Variants in AGBL4 observed in about 807,000 individuals in gnomAD.
AGBL4 encodes the protein AGBL carboxypeptidase 4, also known as cytosolic carboxypeptidase 6.
In AGBL4, 58 loss-of-function variants were observed where a neutral mutation model predicts 66.4. That is an observed-to-expected ratio of 0.87 (90% CI 0.71 to 1.09). AGBL4 has a LOEUF of 1.09. Among genes scored for constraint, AGBL4 ranks in the 50% least tolerant of loss-of-function variants. AGBL4 has a pLI of 0.00. For missense variants in AGBL4, 579 were observed against 631.0 expected (o/e 0.92, Z 0.88); for synonymous variants, 234 against 222.9 (o/e 1.05, Z -0.44).
At position 49,083,709 on chromosome 1, in the gene AGBL4, T is replaced by C. The variant is rs1237939069; in HGVS notation, c.378-37909A>G. Among the ~76,000 whole-genome samples the C allele has an allele frequency of 2.0e-5, 3 of 152,242 alleles. 1 individual carries two copies. Among genetic ancestry groups the C allele is most frequent in the Admixed American group, 1.3e-4 (2 of 15,288 alleles). ...ATTTATGCAAATTTCTGCAGCTCTA[T>C]TGAATTTCTCCTCAGAAAATTGGTT... On this transcript the variant is annotated intron_variant, in intron 4 of 13. Transcript: ENST00000371839.
chr1:48,888,364 C>T (rs903694946), intron 5 of AGBL4, among the ~76,000 whole-genome samples: 2 of 152,172 alleles, frequency 1.3e-5, no homozygotes, highest in African/African-American at 4.8e-5. Flanking sequence ...CCTTCTGCCT[C>T]AAAACCGCAC....
intron 1 of AGBL4, among the ~76,000 whole-genome samples, chr1:49,874,349 G>A (rs1206112153): frequency 2.0e-5 from 3 of 151,888 alleles, no homozygotes; most frequent in Admixed American, 2.0e-4. Flanking sequence ...TCAACTGGGA[G>A]GAGAAAAAAG....
intron 3 of AGBL4, among the ~76,000 whole-genome samples, chr1:49,605,998 A>G (rs1165343267): frequency 1.3e-5 from 2 of 152,128 alleles, no homozygotes; most frequent in Non-Finnish European, 2.9e-5. Flanking sequence ...TGCTGATTCA[A>G]TTAGGGAATT....
chr1:49,026,062 C>A (rs759432227), intron 5 of AGBL4, among the ~76,000 whole-genome samples: 5 of 151,956 alleles, frequency 3.3e-5, no homozygotes, highest in Non-Finnish European at 7.4e-5. Context: ...ATTGTCATTG[C>A]CCCCATAAGA....
chr1:48,799,760 TTTTA>T (rs531544806), intron 6 of AGBL4, among the ~76,000 whole-genome samples: 4 of 152,192 alleles, frequency 2.6e-5, no homozygotes, highest in Non-Finnish European at 5.9e-5. Context: ...GATCATGTGA[TTTTA>T]TTTGTCTTTA....
intron 6 of AGBL4, among the ~76,000 whole-genome samples, chr1:48,738,662 C>A (rs1184425385): frequency 6.6e-6 from 1 of 152,126 alleles, no homozygotes; most frequent in Non-Finnish European, 1.5e-5. Context: ...GAGATGGATG[C>A]CAACTTTACA....
chr1:48,853,703 G>A (rs547454996), intron 6 of AGBL4, among the ~76,000 whole-genome samples: 4 of 152,226 alleles, frequency 2.6e-5, no homozygotes, highest in South Asian at 2.1e-4. Context: ...AAAATTGATC[G>A]TTTTTTCCTT....
intron 6 of AGBL4, among the ~76,000 whole-genome samples, chr1:48,798,187 G>A (rs757584487): frequency 1.3e-5 from 2 of 152,064 alleles, no homozygotes; most frequent in Non-Finnish European, 2.9e-5. Flanking sequence ...GGAGTAAGGT[G>A]GTATCTCATT....
chr1:49,867,041 T>C lies in AGBL4; in HGVS notation c.35-15523A>G, dbSNP rs558313713. Among the ~76,000 whole-genome samples the C allele has an allele frequency of 1.7e-3, 264 of 152,208 alleles. 1 individual carries two copies. Among genetic ancestry groups the C allele is most frequent in the African/African-American group, 5.9e-3 (246 of 41,542 alleles). ...TCTAGATTTTGAAAATATCAGCATC[T>C]TTCCTGTCTGTGTTGCTGCTGAAAG... On this transcript the variant is annotated intron_variant, in intron 1 of 13. Transcript: ENST00000371839.
At chr1:48,582,828 T>C (rs1644760229) in intron 11 of AGBL4, among the ~76,000 whole-genome samples, 1 of 152,186 alleles carries the variant, frequency 6.6e-6, no homozygotes, top group African/African-American at 2.4e-5. Context: ...TTCCCAGATA[T>C]AGTAGAGAAG....
At chr1:49,792,990 C>T (rs1326486955) in intron 2 of AGBL4, among the ~76,000 whole-genome samples, 4 of 151,964 alleles carry the variant, frequency 2.6e-5, no homozygotes, top group South Asian at 4.1e-4. Flanking sequence ...TTAGTGCATA[C>T]ATAAAAGCTT....
chr1:49,361,914 A>C (rs1263830264), intron 3 of AGBL4, among the ~76,000 whole-genome samples: 1 of 152,184 alleles, frequency 6.6e-6, no homozygotes, highest in East Asian at 1.9e-4. Flanking sequence ...CTGTTTAATC[A>C]ATATCTGTAA....
intron 3 of AGBL4, among the ~76,000 whole-genome samples, chr1:49,497,875 T>A (rs1305276020): frequency 6.6e-6 from 1 of 152,008 alleles, no homozygotes; most frequent in Non-Finnish European, 1.5e-5. Context: ...TAGTCCCACA[T>A]GAATTTTAAA....
At chr1:48,685,942 C>T (rs1228046836) in intron 6 of AGBL4, among the ~76,000 whole-genome samples, 1 of 152,154 alleles carries the variant, frequency 6.6e-6, no homozygotes, top group Non-Finnish European at 1.5e-5. Flanking sequence ...GCATCATTTG[C>T]CTTTCACAAA....
chr1:49,667,329 G>A (rs982753502), intron 3 of AGBL4, among the ~76,000 whole-genome samples: 2 of 151,954 alleles, frequency 1.3e-5, no homozygotes, highest in South Asian at 2.1e-4. Flanking sequence ...ATGGTGGCAC[G>A]TGCCTATAGT....
intron 9 of AGBL4, among the ~76,000 whole-genome samples, chr1:48,593,248 A>T (rs1644944283): frequency 6.6e-6 from 1 of 152,186 alleles, no homozygotes; most frequent in Non-Finnish European, 1.5e-5. Context: ...TAAACACACC[A>T]TTCAGATCTG....
At chr1:50,023,647 C>T in intron 1 of AGBL4, 116 bp downstream of exon 1, 1 of 1,275,040 alleles carries the variant, frequency 7.8e-7, no homozygotes, top group Non-Finnish European at 1.0e-6. Flanking sequence ...TAACCCACCG[C>T]GCAAATATAC....
At chr1:49,460,821 T>A (rs938041838) in intron 3 of AGBL4, among the ~76,000 whole-genome samples, 1 of 151,774 alleles carries the variant, frequency 6.6e-6, no homozygotes, top group South Asian at 2.1e-4. Context: ...CAGCATCTAT[T>A]TATCTGGAAG....
intron 3 of AGBL4, among the ~76,000 whole-genome samples, chr1:49,663,071 C>A (rs1342133072): frequency 6.6e-6 from 1 of 151,644 alleles, no homozygotes; most frequent in Admixed American, 6.6e-5. Context: ...AAGAAAGTGG[C>A]AAAAAATGAA....
Sources: gnomAD v4.1 joint callset for allele counts (sites outside exome capture counted in the v4.1 genomes callset) on GRCh38, gnomAD v4.1.1 for gene constraint, MANE v1.5 for transcripts, NCBI Gene and HGNC (gene_info 2026-07-23, HGNC 2026-07-21) for gene names.